ADCY1: variants seen among roughly 807,000 people sequenced by gnomAD.
ADCY1 encodes adenylate cyclase 1, also known as adenylate cyclase type 1.
In ADCY1, 28 loss-of-function variants were observed where a neutral mutation model predicts 105.4. The ratio of observed to expected loss-of-function variants is 0.27; its 90% CI spans 0.20 to 0.36. The LOEUF (loss-of-function observed/expected upper bound fraction) is 0.36. ADCY1 is among the 10% of genes least tolerant of loss of function. The pLI is 1.00. For synonymous variants in ADCY1, 655 were observed against 623.8 expected (o/e 1.05, Z -0.75); for missense variants, 977 against 1,434.2 (o/e 0.68, Z 5.15).
chr7:45,700,635 G>GT (rs1374462806), intron 14 of ADCY1, among the ~76,000 whole-genome samples: 3 of 152,184 alleles, frequency 2.0e-5, no homozygotes, highest in Non-Finnish European at 4.4e-5. Context: ...ATTAAGAAAT[G>GT]TTTTTTCCTG....
In ADCY1 at chr7:45,668,681, A is replaced by G. The variant is rs182271635; in HGVS notation, c.1605+6467A>G. Among the ~76,000 whole-genome samples the G allele has an allele frequency of 6.3e-3, 956 of 152,210 alleles. 13 individuals carry two copies. Among genetic ancestry groups the G allele is most frequent in the African/African-American group, 0.022 (910 of 41,530 alleles). ...GGGAGGATTCTCTCTTTTTCTATTG[A>G]TTGGAATACTTTCAGAAGGAATGGT... On this transcript the variant is annotated intron_variant, in intron 8 of 19. Transcript: ENST00000297323.
rs891899768 is a variant in ADCY1 at position 45,723,006 on chromosome 7, T to C, written c.*9011T>C. 2 of 152,674 alleles carry C rather than the reference T, an allele frequency of 1.3e-5. No individual in the cohort carries two copies. Among genetic ancestry groups the C allele is most frequent in the African/African-American group, 4.8e-5 (2 of 41,474 alleles). 9.5% of individuals were successfully genotyped at this position (152,674 alleles called of 1,614,324 possible). On this transcript the variant is annotated 3_prime_UTR_variant, in exon 20 of 20. Coordinates refer to ENST00000297323, the MANE Select transcript of ADCY1 (RefSeq NM_021116.4). ...TTTAAAAAAAGTGAATGGACTGAAATGTTAAATGTGAATGTACATTTCTTA... is the reference window on the plus strand; with the variant it reads ...TTTAAAAAAAGTGAATGGACTGAAACGTTAAATGTGAATGTACATTTCTTA...
At chr7:45,625,420 T>G (rs1794024931) in intron 4 of ADCY1, among the ~76,000 whole-genome samples, 1 of 152,050 alleles carries the variant, frequency 6.6e-6, no homozygotes, top group Admixed American at 6.5e-5. Context: ...GAGTGAGAGA[T>G]GTATTGAGAT....
At chr7:45,669,273 A>C (rs1209059374) in intron 8 of ADCY1, among the ~76,000 whole-genome samples, 1 of 152,198 alleles carries the variant, frequency 6.6e-6, no homozygotes, top group Non-Finnish European at 1.5e-5. Context: ...ATTTAGTGCT[A>C]TAAATTTCCC....
Position 45,708,548 on chromosome 7 carries a change from C to A in ADCY1, c.2932+84C>A. 1 of 1,061,966 alleles carries A rather than the reference C, an allele frequency of 9.4e-7. No individual in the cohort carries two copies. The highest frequency in any genetic ancestry group is 1.4e-5 in the South Asian group (1 of 69,954). The allele number at this position is 1,061,966 out of a possible 1,614,324, so 65.8% of individuals were successfully genotyped here. On this transcript the variant is annotated intron_variant, in intron 18 of 19. Coordinates refer to ENST00000297323, the MANE Select transcript of ADCY1 (RefSeq NM_021116.4). The surrounding 1 kb of genome is among the most constrained non-coding windows in gnomAD (Gnocchi z 4.7). ...AGGGGTGGGATCAGCTGATGAGGTA[C>A]CCTGGTCTTACAGGAAGGAGGGTGG...
chr7:45,654,937 G>T (rs1423216546), intron 5 of ADCY1, among the ~76,000 whole-genome samples: 1 of 151,936 alleles, frequency 6.6e-6, no homozygotes, highest in African/African-American at 2.4e-5. Context: ...GAAACCATTT[G>T]CCCTGCCCTT....
chr7:45,649,318 T>C (rs1794751123), intron 5 of ADCY1, among the ~76,000 whole-genome samples: 1 of 152,212 alleles, frequency 6.6e-6, no homozygotes, highest in Non-Finnish European at 1.5e-5. Flanking sequence ...TGGTCAGTCT[T>C]ATGTTGTCAT....
chr7:45,595,081 A>G (rs994706649), intron 2 of ADCY1, among the ~76,000 whole-genome samples: 1 of 152,220 alleles, frequency 6.6e-6, no homozygotes, highest in Admixed American at 6.5e-5. Flanking sequence ...CTTCACGCAC[A>G]TGAAGTATTC....
chr7:45,602,243 C>T (rs1793259443), intron 2 of ADCY1, among the ~76,000 whole-genome samples: 1 of 151,738 alleles, frequency 6.6e-6, no homozygotes, highest in African/African-American at 2.4e-5. Flanking sequence ...GTGAAGACCA[C>T]TTGGGGGCTT....
At chr7:45,655,361 A>G (rs1224416584) in intron 5 of ADCY1, among the ~76,000 whole-genome samples, 1 of 152,250 alleles carries the variant, frequency 6.6e-6, no homozygotes, top group Non-Finnish European at 1.5e-5. Context: ...CTTCCTCTGC[A>G]TAAAAAACAC....
chr7:45,657,602 G>A, intron 5 of ADCY1, 125 bp from the exon 6 acceptor site: 1 of 1,050,254 alleles, frequency 9.5e-7, no homozygotes, highest in African/African-American at 1.6e-5. Context: ...TCCACGCTCA[G>A]GCCACATGCA....
intron 5 of ADCY1, among the ~76,000 whole-genome samples, chr7:45,652,331 A>G (rs1004339451): frequency 6.6e-6 from 1 of 152,200 alleles, no homozygotes; most frequent in East Asian, 1.9e-4. Flanking sequence ...GAAGCATCCC[A>G]TGCAGATTCC....
rs1785357648 is a variant in ADCY1 at position 45,716,368 on chromosome 7, C to T, written c.*2373C>T. On this transcript the variant is annotated 3_prime_UTR_variant, in exon 20 of 20. Coordinates refer to ENST00000297323, the MANE Select transcript of ADCY1 (RefSeq NM_021116.4). ...GCCTTGTCCCTGCTCCTGTGCTTTC[C>T]TCTCTTCAGGACAAATGGTTTGTCC... 1 of 152,848 alleles carries T rather than the reference C, an allele frequency of 6.5e-6. No homozygotes were observed. Among genetic ancestry groups the T allele is most frequent in the Non-Finnish European group, 1.5e-5 (1 of 68,520 alleles). The allele number at this position is 152,848 out of a possible 1,614,324, so 9.5% of individuals were successfully genotyped here. A position where few individuals can be genotyped will look rare whatever the true frequency, so the allele number is the denominator to read the frequency against.
At position 45,677,086 on chromosome 7, in the gene ADCY1, G is replaced by T. The variant is rs182979777; in HGVS notation, c.1606-783G>T. Among the ~76,000 whole-genome samples, 810 of 152,106 alleles carry T rather than the reference G, an allele frequency of 5.3e-3. 5 individuals carry two copies. Among genetic ancestry groups the T allele is most frequent in the Middle Eastern group, 0.02 (6 of 294 alleles). On this transcript the variant is annotated intron_variant, in intron 8 of 19. Coordinates refer to ENST00000297323, the MANE Select transcript of ADCY1 (RefSeq NM_021116.4). The stretch of plus-strand genomic sequence containing the variant: ...CATCCACCCGACACTGTTTTCCTTT[G>T]AGTTGCAAGGTCCCTGCGATCACCC...
In ADCY1 at chr7:45,708,600, G is replaced by A. The variant is rs1785167750; in HGVS notation, c.2932+136G>A. ...GCCACCCAGGAGGGCATGGGGACCT[G>A]TGTACCGAGTTGCCCCTGGAAGCTG... On this transcript the variant is annotated intron_variant, in intron 18 of 19. Transcript: ENST00000297323. This position sits in a 1 kb window ranked among gnomAD's most constrained non-coding sequence, Gnocchi z 4.7. 4 of 643,714 alleles carry A rather than the reference G, an allele frequency of 6.2e-6. No homozygotes were observed. In the Admixed American group the frequency reaches 8.4e-5, roughly 13 times the overall value. 39.9% of individuals were successfully genotyped at this position (643,714 alleles called of 1,614,324 possible).
At chr7:45,672,951 G>C (rs183516854) in intron 8 of ADCY1, among the ~76,000 whole-genome samples, 141 of 152,238 alleles carry the variant, frequency 9.3e-4, no homozygotes, top group Non-Finnish European at 1.4e-3. Context: ...GCATTTTGTA[G>C]ATGTTCTTAA....
rs775522653 is a variant in ADCY1, at chr7:45,648,685, C to T, written c.1036C>T (p.Arg346Cys). 5 of 1,614,126 alleles carry T rather than the reference C, an allele frequency of 3.1e-6. No individual in the cohort carries two copies. The highest frequency in any genetic ancestry group is 3.4e-6 in the Non-Finnish European group (4 of 1,180,000). Residue 346 changes from arginine to cysteine, a missense_variant, in exon 5 of 20, where the codon CGC (arginine) becomes TGC (cysteine). Physicochemically the swap from Arg to Cys is radical, Grantham distance 180. Coordinates refer to ENST00000297323, the MANE Select transcript of ADCY1 (RefSeq NM_021116.4). ...DELATENHCR[R>C]IKILGDCYYC... ...TTCCCTGAAGGAGAACCACTGTCGC[C>T]GCATCAAGATTCTCGGGGACTGCTA...
intron 2 of ADCY1, among the ~76,000 whole-genome samples, chr7:45,604,871 A>G (rs1415724304): frequency 6.6e-6 from 1 of 152,136 alleles, no homozygotes; most frequent in African/African-American, 2.4e-5. Flanking sequence ...ATTTGCTGGG[A>G]TTTTGATAGG....
At position 45,708,568 on chromosome 7, in the gene ADCY1, G is replaced by A; in HGVS notation, c.2932+104G>A. 3.5e-6 allele frequency: 3 copies of A among 869,092 alleles called. No individual in the cohort carries two copies. The highest frequency in any genetic ancestry group is 5.6e-6 in the Non-Finnish European group (3 of 537,208). The allele number at this position is 869,092 out of a possible 1,614,324, so 53.8% of individuals were successfully genotyped here. ...AGGTACCCTGGTCTTACAGGAAGGA[G>A]GGTGGTGCCACCCAGGAGGGCATGG... is the stretch of plus-strand genomic sequence containing the variant. On this transcript the variant is annotated intron_variant, in intron 18 of 19. Transcript: ENST00000297323. The surrounding 1 kb of genome is among the most constrained non-coding windows in gnomAD (Gnocchi z 4.7).
Sources: gnomAD v4.1 joint callset for allele counts (sites outside exome capture counted in the v4.1 genomes callset) on GRCh38, gnomAD v4.1.1 for gene constraint, Gnocchi (gnomAD v3.1) non-coding constraint, MANE v1.5 for transcripts, NCBI Gene and HGNC (gene_info 2026-07-23, HGNC 2026-07-21) for gene names.